The following RBMS3 variants were observed in gnomAD, a reference collection of about 807,000 sequenced individuals.
The protein encoded by RBMS3 is RNA binding motif single stranded interacting protein 3.
A neutral mutation model predicts 66.8 loss-of-function variants in RBMS3; 27 were observed. The ratio of observed to expected loss-of-function variants is 0.40; its 90% confidence interval spans 0.30 to 0.56. RBMS3 has a LOEUF of 0.56. Ranked by LOEUF, RBMS3 falls within the 20% of genes least tolerant of loss-of-function variation. The pLI is 0.40. For synonymous variants in RBMS3, 188 were observed against 183.0 expected (o/e 1.03, Z -0.22); for missense variants, 513 against 549.5 (o/e 0.93, Z 0.66).
intron 8 of RBMS3, among the ~76,000 whole-genome samples, chr3:29,892,957 A>C (rs1479403283): frequency 6.6e-6 from 1 of 151,302 alleles, no homozygotes. Flanking sequence ...CACATTCTGC[A>C]GTTCCCTCCT....
chr3:29,310,644 T>G (rs1202004150), intron 1 of RBMS3, among the ~76,000 whole-genome samples: 4 of 151,824 alleles, frequency 2.6e-5, no homozygotes, highest in South Asian at 2.1e-4. Flanking sequence ...CTCTTCCTGA[T>G]GAACATAAAA....
chr3:29,756,666 G>A (rs1183882690), intron 5 of RBMS3, among the ~76,000 whole-genome samples: 5 of 151,990 alleles, frequency 3.3e-5, no homozygotes, highest in Non-Finnish European at 5.9e-5. Flanking sequence ...TTTGGTTGGG[G>A]ACACAGCAAA....
At chr3:29,760,787 T>C (rs9836182) in intron 5 of RBMS3, among the ~76,000 whole-genome samples, 11,908 of 152,198 alleles carry the variant, frequency 0.078, 827 homozygotes, top group African/African-American at 0.19. Context: ...AAGATTCCGC[T>C]TGCCTTTCTT....
intron 2 of RBMS3, among the ~76,000 whole-genome samples, chr3:29,449,271 A>G (rs867242922): frequency 1.3e-5 from 2 of 152,304 alleles, no homozygotes; most frequent in South Asian, 4.1e-4. Context: ...TGTTATGTCT[A>G]GTTTGGGGAA....
chr3:29,908,958 A>T (rs1407403667), intron 10 of RBMS3, among the ~76,000 whole-genome samples: 1 of 152,144 alleles, frequency 6.6e-6, no homozygotes, highest in African/African-American at 2.4e-5. Context: ...ACAGTTAAGG[A>T]CAGAGAAGAA....
intron 1 of RBMS3, among the ~76,000 whole-genome samples, chr3:29,404,762 T>C (rs2125672834): frequency 6.6e-6 from 1 of 152,206 alleles, no homozygotes; most frequent in African/African-American, 2.4e-5. Context: ...GGGTTACAAA[T>C]AGGTCAGTTC....
chr3:29,548,526 A>G (rs548405277), intron 3 of RBMS3, among the ~76,000 whole-genome samples: 2 of 152,092 alleles, frequency 1.3e-5, no homozygotes, highest in South Asian at 2.1e-4. Flanking sequence ...TATATGATAT[A>G]TGATTAAACA....
intron 3 of RBMS3, among the ~76,000 whole-genome samples, chr3:29,558,226 A>G (rs1446330449): frequency 6.6e-6 from 1 of 152,164 alleles, no homozygotes; most frequent in East Asian, 1.9e-4. Context: ...CAAGTGAAGG[A>G]GATACAAACG....
chr3:29,376,767 G>A (rs113248172), intron 1 of RBMS3, among the ~76,000 whole-genome samples: 9,733 of 152,190 alleles, frequency 0.064, 899 homozygotes, highest in African/African-American at 0.2. Context: ...ATTACCTGGC[G>A]TGGTGGCGGG....
intron 4 of RBMS3, among the ~76,000 whole-genome samples, chr3:29,627,847 T>C (rs2049128781): frequency 6.6e-6 from 1 of 152,086 alleles, no homozygotes; most frequent in Admixed American, 6.6e-5. Flanking sequence ...TCAGCTGATC[T>C]TGATACTGTC....
In RBMS3 at chr3:29,729,435, C is replaced by T. The variant is rs1433858449; in HGVS notation, c.400-10285C>T. On this transcript the variant is annotated intron_variant, in intron 4 of 14. Coordinates refer to ENST00000383767, the MANE Select transcript of RBMS3 (RefSeq NM_001003793.3). ...CAAGTCTTTGCTATTGTGAATAGTGCCGCAATAAACATACGCGTGCATGTG... is the reference window on the plus strand; with the variant it reads ...CAAGTCTTTGCTATTGTGAATAGTGTCGCAATAAACATACGCGTGCATGTG... 3.3e-5 allele frequency among the ~76,000 whole-genome samples: 5 copies of T among 152,148 alleles called. No individual in the cohort carries two copies. The East Asian group carries it at 9.7e-4, about 29-fold the overall frequency.
At chr3:29,720,715 TGA>T (rs1491383341) in intron 4 of RBMS3, among the ~76,000 whole-genome samples, 31 of 147,410 alleles carry the variant, frequency 2.1e-4, no homozygotes, top group Admixed American at 6.0e-4. Context: ...TGTGTGTGTG[TGA>T]GTGTGTGTGT....
intron 1 of RBMS3, among the ~76,000 whole-genome samples, chr3:29,288,022 A>G (rs2032507434): frequency 1.3e-5 from 2 of 152,062 alleles, no homozygotes; most frequent in Admixed American, 6.6e-5. Context: ...ATGTGGAATC[A>G]CGAATAAAAT....
intron 4 of RBMS3, 31 bp from the exon 5 acceptor site, chr3:29,739,689 C>G: frequency 6.5e-7 from 1 of 1,543,784 alleles, no homozygotes; most frequent in Non-Finnish European, 8.7e-7. Flanking sequence ...ATACTCAGAA[C>G]TTACCATATT....
chr3:29,434,395 GC>G (rs746327666), intron 1 of RBMS3, among the ~76,000 whole-genome samples: 2 of 152,124 alleles, frequency 1.3e-5, no homozygotes, highest in Non-Finnish European at 2.9e-5. Flanking sequence ...AGAGTTTATT[GC>G]CAAAAGTGAC....
At chr3:29,454,246 G>GAGTT (rs1228798810) in intron 2 of RBMS3, among the ~76,000 whole-genome samples, 4 of 152,148 alleles carry the variant, frequency 2.6e-5, no homozygotes, top group African/African-American at 9.7e-5. Context: ...AATTTAAACT[G>GAGTT]AGTTAGCAGG....
intron 1 of RBMS3, among the ~76,000 whole-genome samples, chr3:29,338,955 G>A (rs2036122330): frequency 6.6e-6 from 1 of 152,076 alleles, no homozygotes; most frequent in South Asian, 2.1e-4. Context: ...AATTTCAAAT[G>A]ATTGCTTCAC....
chr3:29,354,417 C>A (rs1460767029), intron 1 of RBMS3, among the ~76,000 whole-genome samples: 1 of 152,038 alleles, frequency 6.6e-6, no homozygotes, highest in African/African-American at 2.4e-5. Flanking sequence ...CATACTTTCT[C>A]TCTCTGTCTC....
At position 29,651,618 on chromosome 3, in the gene RBMS3, G is replaced by A; in HGVS notation, c.399+64413G>A. 1.3e-5 allele frequency among the ~76,000 whole-genome samples: 2 copies of A among 151,986 alleles called. 1 individual carries two copies. On this transcript the variant is annotated intron_variant, in intron 4 of 14. Transcript: ENST00000383767. Reference sequence around the variant, plus strand: ...AAACCACAGTTTTTTATTGAAAGTTGGTTAGTTTTTAAGTACTGCCCATCC... The same window carrying A: ...AAACCACAGTTTTTTATTGAAAGTTAGTTAGTTTTTAAGTACTGCCCATCC...
Sources: gnomAD v4.1 joint callset for allele counts (sites outside exome capture counted in the v4.1 genomes callset) on GRCh38, gnomAD v4.1.1 for gene constraint, MANE v1.5 for transcripts, NCBI Gene and HGNC (gene_info 2026-07-23, HGNC 2026-07-21) for gene names.